Variants in CMSS1 observed in about 807,000 individuals in gnomAD.
CMSS1 encodes the protein cms1 ribosomal small subunit homolog.
CMSS1 carries 33 observed loss-of-function variants against 43.5 expected under a neutral mutation model. That is an observed-to-expected ratio of 0.76 (90% CI 0.57 to 1.01). The LOEUF is 1.01. CMSS1 is among the 50% of genes least tolerant of loss of function. The probability of loss-of-function intolerance (pLI) is 0.00; values close to 1 mark genes in which losing one functional copy is unlikely to be tolerated. For missense variants in CMSS1, 313 were observed against 326.4 expected, an observed-to-expected ratio of 0.96 and a Z score of 0.32; for synonymous variants, 115 against 117.2, an observed-to-expected ratio of 0.98 and a Z score of 0.12.
intron 1 of CMSS1, among the ~76,000 whole-genome samples, chr3:99,882,725 A>G (rs1705768980): frequency 6.6e-6 from 1 of 152,206 alleles, no homozygotes; most frequent in African/African-American, 2.4e-5. Context: ...AATGGCACAA[A>G]CAGTGTGATT....
chr3:99,907,196 C>T (rs989052408), intron 1 of CMSS1, among the ~76,000 whole-genome samples: 1 of 152,084 alleles, frequency 6.6e-6, no homozygotes, highest in Admixed American at 6.5e-5. Flanking sequence ...TATCATAGTG[C>T]TGATGGAATG....
intron 1 of CMSS1, among the ~76,000 whole-genome samples, chr3:99,998,619 G>C (rs1447433269): frequency 6.6e-6 from 1 of 152,230 alleles, no homozygotes; most frequent in African/African-American, 2.4e-5. Flanking sequence ...CTGGAGTGCA[G>C]TGGTGCGATC....
intron 1 of CMSS1, among the ~76,000 whole-genome samples, chr3:100,110,708 G>C (rs539085936): frequency 6.6e-6 from 1 of 152,250 alleles, no homozygotes; most frequent in South Asian, 2.1e-4. Context: ...GCTCTGTATA[G>C]CTCTCCATTA....
chr3:99,868,894 G>C (rs773530118), intron 1 of CMSS1, among the ~76,000 whole-genome samples: 3 of 151,982 alleles, frequency 2.0e-5, no homozygotes, highest in Non-Finnish European at 4.4e-5. Context: ...ACATTATTTT[G>C]TACTGCTTTC....
At chr3:99,876,088 GGGGCCGGGCGGGGGCC>G in intron 1 of CMSS1, 1 of 986,232 alleles carries the variant, frequency 1.0e-6, no homozygotes, top group Non-Finnish European at 1.2e-6. Flanking sequence ...TGCCTGCGCC[GGGGCCGGGCGGGGGCC>G]GGGCCGGGGC....
chr3:100,114,613 T>G (rs771415724), intron 1 of CMSS1: 18 of 188,460 alleles, frequency 9.6e-5, no homozygotes, highest in Non-Finnish European at 1.7e-4. Context: ...CTTAGGTAAT[T>G]TTAAATTCAT....
chr3:99,983,458 A>ATGTGTG (rs71132503), intron 1 of CMSS1, among the ~76,000 whole-genome samples: 4 of 16,246 alleles, frequency 2.5e-4, no homozygotes, highest in African/African-American at 1.3e-3. Flanking sequence ...ATATATATAT[A>ATGTGTG]TGTGTGTATA....
chr3:99,884,264 CCTTGT>C (rs1256515449), intron 1 of CMSS1, among the ~76,000 whole-genome samples: 1 of 152,132 alleles, frequency 6.6e-6, no homozygotes, highest in East Asian at 1.9e-4. Context: ...CCTTCTTTCT[CCTTGT>C]CTTCTCTCCC....
At chr3:100,109,137 A>G (rs1384199536) in intron 1 of CMSS1, among the ~76,000 whole-genome samples, 3 of 151,340 alleles carry the variant, frequency 2.0e-5, no homozygotes, top group Non-Finnish European at 4.4e-5. Flanking sequence ...TCAGGCCTCA[A>G]TTCTTCCGCT....
intron 1 of CMSS1, among the ~76,000 whole-genome samples, chr3:100,126,624 A>G (rs933394158): frequency 6.6e-6 from 1 of 151,992 alleles, no homozygotes. Context: ...CTTTTTTTGT[A>G]ACCTTGTAAG....
intron 1 of CMSS1, among the ~76,000 whole-genome samples, chr3:100,069,778 T>G (rs964216377): frequency 6.6e-6 from 1 of 152,080 alleles, no homozygotes; most frequent in African/African-American, 2.4e-5. Flanking sequence ...TAAGAGGAGG[T>G]GGCAGAATGG....
At chr3:99,959,598 G>A (rs1239749989) in intron 1 of CMSS1, among the ~76,000 whole-genome samples, 1 of 152,042 alleles carries the variant, frequency 6.6e-6, no homozygotes, top group Non-Finnish European at 1.5e-5. Flanking sequence ...AATTTCTTTA[G>A]CAGTCTGATA....
chr3:100,134,506 A>C (rs2066734259), intron 1 of CMSS1, among the ~76,000 whole-genome samples: 1 of 152,198 alleles, frequency 6.6e-6, no homozygotes, highest in African/African-American at 2.4e-5. Context: ...CCATTTCCTT[A>C]CTTGGACAGT....
intron 1 of CMSS1, among the ~76,000 whole-genome samples, chr3:100,029,985 G>GA (rs2064996505): frequency 1.3e-5 from 2 of 152,172 alleles, no homozygotes; most frequent in African/African-American, 4.8e-5. Flanking sequence ...CTTCACAGCT[G>GA]TTTGTAACTT....
chr3:99,854,242 C>T (rs1400123283), intron 1 of CMSS1, among the ~76,000 whole-genome samples: 1 of 152,144 alleles, frequency 6.6e-6, no homozygotes, highest in Non-Finnish European at 1.5e-5. Flanking sequence ...TTAGACAACA[C>T]AGTAACTTAA....
At chr3:99,957,602 A>G (rs538820821) in intron 1 of CMSS1, among the ~76,000 whole-genome samples, 27 of 150,658 alleles carry the variant, frequency 1.8e-4, no homozygotes, top group Admixed American at 1.3e-3. Flanking sequence ...GGGGCCTCCT[A>G]TGAACCTCTG....
At chr3:100,008,682 G>A (rs1302639049) in intron 1 of CMSS1, among the ~76,000 whole-genome samples, 1 of 152,178 alleles carries the variant, frequency 6.6e-6, no homozygotes, top group East Asian at 1.9e-4. Flanking sequence ...ATTCAGCATT[G>A]TACTTCATTG....
At chr3:100,156,949 T>TC (rs1440272298) in intron 2 of CMSS1, among the ~76,000 whole-genome samples, 1 of 151,982 alleles carries the variant, frequency 6.6e-6, no homozygotes, top group Non-Finnish European at 1.5e-5. Flanking sequence ...TGAGACAGGG[T>TC]CTCACTATGT....
chr3:99,913,784 G>A (rs1441219652), intron 1 of CMSS1, among the ~76,000 whole-genome samples: 1 of 152,136 alleles, frequency 6.6e-6, no homozygotes, highest in Non-Finnish European at 1.5e-5. Context: ...GCTGTGAGTT[G>A]GAAATTACTT....
Sources: gnomAD v4.1 joint callset for allele counts (sites outside exome capture counted in the v4.1 genomes callset) on GRCh38, gnomAD v4.1.1 for gene constraint, MANE v1.5 for transcripts, NCBI Gene and HGNC (gene_info 2026-07-23, HGNC 2026-07-21) for gene names.